Variants in PDGFC observed in about 807,000 individuals in gnomAD.
The protein encoded by PDGFC is platelet derived growth factor C.
In PDGFC, 12 loss-of-function variants were observed where a neutral mutation model predicts 35.5. The ratio of observed to expected loss-of-function variants is 0.34; its 90% CI spans 0.22 to 0.55. The LOEUF (loss-of-function observed/expected upper bound fraction) is 0.55. Among genes scored for constraint, PDGFC ranks in the 20% least tolerant of loss-of-function variants. The pLI, the probability that PDGFC is intolerant of heterozygous loss-of-function variation, is 0.91. For missense variants in PDGFC, 322 were observed against 412.4 expected (o/e 0.78, Z 1.90); for synonymous variants, 159 against 148.8 (o/e 1.07, Z -0.50).
chr4:156,776,765 A>C (rs1730840474), intron 3 of PDGFC, among the ~76,000 whole-genome samples: 1 of 152,230 alleles, frequency 6.6e-6, no homozygotes, highest in African/African-American at 2.4e-5. Flanking sequence ...AACTACGATC[A>C]GGAGTTAAGG....
chr4:156,825,404 T>G (rs1278461674), intron 2 of PDGFC, among the ~76,000 whole-genome samples: 1 of 147,388 alleles, frequency 6.8e-6, no homozygotes, highest in Non-Finnish European at 1.5e-5. Flanking sequence ...AAAAAAAAAT[T>G]CCCAGGCTGG....
intron 1 of PDGFC, among the ~76,000 whole-genome samples, chr4:156,874,167 C>T (rs1044996350): frequency 4.6e-5 from 7 of 152,262 alleles, no homozygotes; most frequent in East Asian, 1.9e-4. Flanking sequence ...ATCTCTGATA[C>T]GTGACATTAA....
At chr4:156,967,889 G>C (rs887013731) in intron 1 of PDGFC, 2 of 152,166 alleles carry the variant, frequency 1.3e-5, no homozygotes, top group Admixed American at 6.5e-5. Flanking sequence ...TTTCATAAGT[G>C]AGACAGGGTC....
intron 1 of PDGFC, among the ~76,000 whole-genome samples, chr4:156,915,912 A>C (rs1037518146): frequency 1.3e-5 from 2 of 152,120 alleles, no homozygotes; most frequent in African/African-American, 4.8e-5. Context: ...CCATGACCAA[A>C]AGAAAATTCT....
At chr4:156,839,577 G>A (rs1729148997) in intron 2 of PDGFC, among the ~76,000 whole-genome samples, 1 of 152,152 alleles carries the variant, frequency 6.6e-6, no homozygotes, top group Non-Finnish European at 1.5e-5. Context: ...GAGTAGTGGG[G>A]TGCTGCTGTA....
chr4:156,774,897 C>T (rs555183127), intron 3 of PDGFC, among the ~76,000 whole-genome samples: 13 of 151,988 alleles, frequency 8.6e-5, no homozygotes, highest in African/African-American at 1.2e-4. Flanking sequence ...AACAAAGATA[C>T]GCAAAGATAC....
At chr4:156,813,145 T>C (rs532154526) in intron 2 of PDGFC, among the ~76,000 whole-genome samples, 1 of 152,196 alleles carries the variant, frequency 6.6e-6, no homozygotes, top group African/African-American at 2.4e-5. Flanking sequence ...GGCAGAAACG[T>C]TGATAATCAT....
rs74755438 is a variant in PDGFC, at chr4:156,848,323, T to C, written c.314+1898A>G. 4.3e-3 allele frequency among the ~76,000 whole-genome samples: 661 copies of C among 152,000 alleles called. 1 individual carries two copies. The highest frequency in any genetic ancestry group is 0.011 in the African/African-American group (463 of 41,566). ...TTTTTGTATATTGTTGGGAAATGTA[T>C]AAACTGATAATTTTGAAAAAACAAT... On this transcript the variant is annotated intron_variant, in intron 2 of 5. Coordinates refer to ENST00000502773, the MANE Select transcript of PDGFC (RefSeq NM_016205.3).
chr4:156,897,299 A>G (rs1397402298), intron 1 of PDGFC, among the ~76,000 whole-genome samples: 3 of 151,918 alleles, frequency 2.0e-5, no homozygotes, highest in East Asian at 3.9e-4. Context: ...ATACACACAC[A>G]CACACACAGG....
rs1387926923 is a variant in PDGFC at position 156,760,603 on chromosome 4, ATGTGCTATTTATG to A, written c.*2474_*2486del. 6.6e-6 allele frequency: 1 copy of A among 151,200 alleles called. No individual in the cohort carries two copies. The allele number at this position is 151,200 out of a possible 1,614,324, so 9.4% of individuals were successfully genotyped here. A position where few individuals can be genotyped will look rare whatever the true frequency, so the allele number is the denominator to read the frequency against. ...ACTGTACTTCTCAGAAATTAGGGTC[ATGTGCTATTTATG>A]TGTGTGTGTGTGTGTGTGTGTGTTT... On this transcript the variant is annotated 3_prime_UTR_variant, in exon 6 of 6. Transcript: ENST00000502773.
intron 1 of PDGFC, among the ~76,000 whole-genome samples, chr4:156,858,274 A>AAAAT (rs1729629855): frequency 6.6e-6 from 1 of 152,092 alleles, no homozygotes; most frequent in African/African-American, 2.4e-5. Context: ...GTAATGGTAA[A>AAAAT]AAATAATCTT....
At chr4:156,772,916 G>A (rs1173564492) in intron 3 of PDGFC, 23 bp from the exon 4 acceptor site, 2 of 1,531,150 alleles carry the variant, frequency 1.3e-6, no homozygotes, top group Non-Finnish European at 1.8e-6. Context: ...TGAATCCTGT[G>A]TTAACTGTTT....
intron 1 of PDGFC, among the ~76,000 whole-genome samples, chr4:156,926,059 A>G (rs2110859320): frequency 6.7e-6 from 1 of 150,230 alleles, no homozygotes; most frequent in South Asian, 2.1e-4. Context: ...CAAAAAAAAA[A>G]AAAAAAAAAA....
chr4:156,805,777 C>T (rs1199500887), intron 3 of PDGFC, among the ~76,000 whole-genome samples: 2 of 152,008 alleles, frequency 1.3e-5, no homozygotes, highest in Non-Finnish European at 2.9e-5. Context: ...TATCCTCCCT[C>T]CTCTTTTCCC....
intron 4 of PDGFC, among the ~76,000 whole-genome samples, chr4:156,771,671 T>TA (rs1295700621): frequency 1.3e-5 from 2 of 152,164 alleles, no homozygotes; most frequent in African/African-American, 2.4e-5. Flanking sequence ...CTGCAACTCT[T>TA]AGAGCAGGAA....
intron 2 of PDGFC, among the ~76,000 whole-genome samples, chr4:156,824,288 A>G (rs1732358739): frequency 4.3e-5 from 1 of 23,106 alleles, no homozygotes; most frequent in Non-Finnish European, 9.3e-5. Flanking sequence ...ATGTAAGCAT[A>G]TATATATATA....
intron 1 of PDGFC, among the ~76,000 whole-genome samples, chr4:156,904,081 C>A (rs1003383207): frequency 2.6e-5 from 4 of 152,048 alleles, no homozygotes; most frequent in Non-Finnish European, 5.9e-5. Flanking sequence ...GTGCCATATT[C>A]TTGCAATGAT....
At chr4:156,824,135 G>T (rs1042654840) in intron 2 of PDGFC, among the ~76,000 whole-genome samples, 2 of 151,648 alleles carry the variant, frequency 1.3e-5, no homozygotes, top group Non-Finnish European at 2.9e-5. Flanking sequence ...GTTTTCGTTA[G>T]ACTGTAGGAA....
chr4:156,898,077 G>C (rs568873335), intron 1 of PDGFC, among the ~76,000 whole-genome samples: 44 of 152,286 alleles, frequency 2.9e-4, no homozygotes, highest in African/African-American at 9.9e-4. Flanking sequence ...GATGGCATTT[G>C]GAGGTGAGGC....
Sources: gnomAD v4.1 joint callset for allele counts (sites outside exome capture counted in the v4.1 genomes callset) on GRCh38, gnomAD v4.1.1 for gene constraint, MANE v1.5 for transcripts, NCBI Gene and HGNC (gene_info 2026-07-23, HGNC 2026-07-21) for gene names.